The following DOK7 variants were observed in gnomAD, a reference collection of about 807,000 sequenced individuals.
DOK7 encodes protein Dok-7.
In DOK7, 32 loss-of-function variants were observed where a neutral mutation model predicts 30.7. The ratio of observed to expected loss-of-function variants is 1.04; its 90% CI spans 0.79 to 1.40. DOK7 has a LOEUF of 1.40. DOK7 is among the 40% of genes most tolerant of loss of function. The pLI is 0.00. For synonymous variants in DOK7, 447 were observed against 324.1 expected (o/e 1.38, Z -4.07); for missense variants, 1,007 against 699.2 (o/e 1.44, Z -4.97).
chr4:3,498,856 G>A (rs1344630927), downstream of DOK7, among the ~76,000 whole-genome samples: 1 of 152,254 alleles, frequency 6.6e-6, no homozygotes, highest in African/African-American at 2.4e-5. Flanking sequence ...AGGCAGGGTT[G>A]GGGCAGAATT....
At chr4:3,469,213 CTGTG>C (rs895933519) in intron 2 of DOK7, among the ~76,000 whole-genome samples, 7 of 150,542 alleles carry the variant, frequency 4.6e-5, no homozygotes, top group Non-Finnish European at 8.9e-5. Context: ...GTGTGTGCCT[CTGTG>C]TGAGTGTGCG....
exon 7 of DOK7, chr4:3,500,330 C>A: frequency 6.5e-7 from 1 of 1,535,922 alleles, no homozygotes; most frequent in Non-Finnish European, 8.7e-7. Flanking sequence ...TGAACATCCC[C>A]GTCAGCCCAT....
rs142510199 is a variant in DOK7 at position 3,493,230 on chromosome 4, C to T, written c.1244C>T (p.Pro415Leu). ...ACACCACGCAGCCTTTGCCTGGCTC[C>T]TAGAGACCACAGCCCCCCCTCACAG... ...YDTPRSLCLA[P>L]RDHSPPSQGS... The change falls in exon 7 of 7, where the codon CCT becomes CTT. Residue 415 changes from proline (P) to leucine (L), a missense_variant. Transcript: ENST00000340083. 5.6e-6 allele frequency: 9 copies of T among 1,611,940 alleles called. No homozygotes were observed. The highest frequency in any genetic ancestry group is 1.3e-5 in the African/African-American group (1 of 74,908).
chr4:3,494,474 C>G lies in DOK7; in HGVS notation c.*973C>G. On this transcript the variant is annotated 3_prime_UTR_variant, in exon 7 of 7. Transcript: ENST00000340083. ...TGTAATAGACTGGAAATAAAATGTT[C>G]TTTCCTTACCACCTTGTCCTAGTCC... 1.0e-6 allele frequency: 1 copy of G among 985,490 alleles called. No homozygotes were observed. The highest frequency in any genetic ancestry group is 1.2e-6 in the Non-Finnish European group (1 of 829,900). 61.0% of individuals were successfully genotyped at this position (985,490 alleles called of 1,614,324 possible).
intron 6 of DOK7, among the ~76,000 whole-genome samples, chr4:3,490,423 C>T (rs376455706): frequency 0.039 from 683 of 17,726 alleles, 17 homozygotes; most frequent in Middle Eastern, 0.15. Flanking sequence ...CCCACCGCCC[C>T]GCTCATTCAT....
At chr4:3,489,906 A>T (rs1728090221) in intron 6 of DOK7, 110 bp downstream of exon 6, 1 of 1,464,866 alleles carries the variant, frequency 6.8e-7, no homozygotes, top group Non-Finnish European at 9.1e-7. Flanking sequence ...CTGCTCATTC[A>T]TTCATTCCTT....
intron 4 of DOK7, among the ~76,000 whole-genome samples, chr4:3,481,253 C>A (rs1292603579): frequency 2.0e-5 from 3 of 152,012 alleles, no homozygotes; most frequent in Non-Finnish European, 4.4e-5. Flanking sequence ...CTAATGTTGA[C>A]CCCGGGGTGC....
In DOK7 at chr4:3,491,750, C is replaced by T. The variant is rs186184718; in HGVS notation, c.773-1009C>T. ...GGCTCTAAGGCAGGTGAGCTGGCTG[C>T]CCAGGAGCAGAGGCACCTCCTCAGC... On this transcript the variant is annotated intron_variant, in intron 6 of 6. Transcript: ENST00000340083. Among the ~76,000 whole-genome samples the T allele has an allele frequency of 9.0e-4, 137 of 152,340 alleles. 1 individual carries two copies. Among genetic ancestry groups the T allele is most frequent in the Non-Finnish European group, 5.9e-5 (4 of 68,038 alleles).
At chr4:3,485,698 G>T in intron 5 of DOK7, 40 bp downstream of exon 5, 2 of 1,502,016 alleles carry the variant, frequency 1.3e-6, no homozygotes, top group Non-Finnish European at 1.8e-6. Flanking sequence ...GGGTGCGCTC[G>T]GCAGGCTGTG....
At chr4:3,489,326 G>C (rs1728018840) in intron 5 of DOK7, among the ~76,000 whole-genome samples, 5 of 152,162 alleles carry the variant, frequency 3.3e-5, no homozygotes, top group Admixed American at 3.3e-4. Flanking sequence ...CGGCCCTGGG[G>C]ATGGGGGAGG....
At chr4:3,466,906 A>G (rs1272516447) in intron 2 of DOK7, among the ~76,000 whole-genome samples, 1 of 152,126 alleles carries the variant, frequency 6.6e-6, no homozygotes, top group Non-Finnish European at 1.5e-5. Context: ...TTCCCGAACC[A>G]GATTGTGAAT....
intron 6 of DOK7, among the ~76,000 whole-genome samples, chr4:3,499,764 C>G (rs942210708): frequency 1.3e-5 from 2 of 151,192 alleles, no homozygotes; most frequent in Non-Finnish European, 3.0e-5. Context: ...TCCCTGGAGC[C>G]TGCAGCAGGT....
At chr4:3,477,170 G>C in intron 4 of DOK7, among the ~76,000 whole-genome samples, 1 of 152,272 alleles carries the variant, frequency 6.6e-6, no homozygotes, top group East Asian at 1.9e-4. Flanking sequence ...GGAGCAGGTT[G>C]TTCCAGCAAC....
chr4:3,467,402 G>A (rs181777772), intron 2 of DOK7, among the ~76,000 whole-genome samples: 2 of 149,342 alleles, frequency 1.3e-5, no homozygotes, highest in Admixed American at 6.7e-5. Flanking sequence ...TGTGTGCATC[G>A]CCGCCCGGTG....
intron 3 of DOK7, among the ~76,000 whole-genome samples, chr4:3,474,174 C>G (rs1448113745): frequency 6.6e-6 from 1 of 152,176 alleles, no homozygotes; most frequent in Non-Finnish European, 1.5e-5. Flanking sequence ...GGGGGCTGAG[C>G]TGCCCTGGGG....
rs1189551686 is a variant in DOK7, at chr4:3,493,499, T to C, written c.1513T>C (p.Ter505ArgextTer182). 1.9e-6 allele frequency: 3 copies of C among 1,610,738 alleles called. No individual in the cohort carries two copies. The highest frequency in any genetic ancestry group is 2.5e-6 in the Non-Finnish European group (3 of 1,179,238). ...CGGLKVNPPP[*>R] Reference sequence around the variant, plus strand: ...AGGACTCAAGGTAAACCCCCCTCCTTGAGAGCCGCAGATCCCGCCCCGCGG... The same window carrying C: ...AGGACTCAAGGTAAACCCCCCTCCTCGAGAGCCGCAGATCCCGCCCCGCGG... The change falls in exon 7 of 7, where the codon TGA (stop) becomes CGA (arginine). Residue 505 changes from the stop codon to arginine (R), a stop_lost. Transcript: ENST00000340083.
chr4:3,489,539 A>C, intron 5 of DOK7, 138 bp from the exon 6 acceptor site: 1 of 1,391,854 alleles, frequency 7.2e-7, no homozygotes, highest in Admixed American at 2.0e-5. Context: ...GGGATGAGGC[A>C]TCGGGAGGAG....
chr4:3,474,734 A>C (rs1300510851), intron 3 of DOK7, among the ~76,000 whole-genome samples: 2 of 152,096 alleles, frequency 1.3e-5, no homozygotes, highest in Admixed American at 1.3e-4. Context: ...AGACAGGAGA[A>C]TCGCTTGAAC....
intron 2 of DOK7, 22 bp downstream of exon 2, chr4:3,463,573 C>CG: frequency 5.7e-5 from 18 of 315,006 alleles, no homozygotes; most frequent in African/African-American, 1.4e-4. Context: ...GGGCGGGGGA[C>CG]GGGGGGCGCG....
Sources: gnomAD v4.1 joint callset for allele counts (sites outside exome capture counted in the v4.1 genomes callset) on GRCh38, gnomAD v4.1.1 for gene constraint, MANE v1.5 for transcripts, NCBI Gene and HGNC (gene_info 2026-07-23, HGNC 2026-07-21) for gene names.